The following ABCB5 variants were observed in gnomAD, a reference collection of about 807,000 sequenced individuals.
The protein encoded by ABCB5 is ATP-binding cassette sub-family B member 5.
A neutral mutation model predicts 144.2 loss-of-function variants in ABCB5; 155 were observed. The observed-to-expected ratio is 1.08, with a 90% CI of 0.94 to 1.23. The LOEUF is 1.23. Ranked by LOEUF, ABCB5 falls within the 50% of genes most tolerant of loss-of-function variation. The pLI is 0.00. For synonymous variants in ABCB5, 610 were observed against 528.6 expected, an observed-to-expected ratio of 1.15 and a Z score of -2.11; for missense variants, 1,830 against 1,520.8, an observed-to-expected ratio of 1.20 and a Z score of -3.38.
intron 14 of ABCB5, among the ~76,000 whole-genome samples, chr7:20,661,719 G>C (rs891633014): frequency 6.6e-6 from 1 of 151,540 alleles, no homozygotes; most frequent in Non-Finnish European, 1.5e-5. Flanking sequence ...ATTTTTAGTA[G>C]AGACAGGGTT....
chr7:20,727,170 A>C, intron 22 of ABCB5, 30 bp downstream of exon 22: 1 of 1,568,658 alleles, frequency 6.4e-7, no homozygotes, highest in African/African-American at 1.4e-5. Context: ...GACTTCAAAA[A>C]CTTAATTTTG....
chr7:20,650,005 T>G lies in ABCB5; in HGVS notation c.1207-17T>G. 6.2e-7 allele frequency: 1 copy of G among 1,603,852 alleles called. No homozygotes were observed. The highest frequency in any genetic ancestry group is 8.5e-7 in the Non-Finnish European group (1 of 1,174,692). ...CTTATTGTGGTTTTATGATTTTCCC[T>G]CCATACATTCCAATAGATTCTGAAA... On this transcript the variant is annotated splice_polypyrimidine_tract_variant and intron_variant, in intron 11 of 27. Coordinates refer to ENST00000404938, the MANE Select transcript of ABCB5 (RefSeq NM_001163941.2).
At chr7:20,720,754 G>T (rs1216673634) in intron 20 of ABCB5, among the ~76,000 whole-genome samples, 2 of 151,796 alleles carry the variant, frequency 1.3e-5, no homozygotes, top group African/African-American at 2.4e-5. Context: ...GACCATCCTG[G>T]CTAACACGGT....
chr7:20,737,541 T>G (rs947102870), intron 23 of ABCB5, among the ~76,000 whole-genome samples: 1 of 152,180 alleles, frequency 6.6e-6, no homozygotes, highest in South Asian at 2.1e-4. Context: ...GTGGGAATGT[T>G]AGGACAGGTA....
intron 5 of ABCB5, among the ~76,000 whole-genome samples, chr7:20,635,268 A>G (rs1784130344): frequency 1.3e-5 from 2 of 151,968 alleles, no homozygotes; most frequent in South Asian, 2.1e-4. Context: ...CTATGTGTCT[A>G]TTATTATACC....
At chr7:20,664,806 T>A (rs1457676810) in intron 14 of ABCB5, among the ~76,000 whole-genome samples, 4 of 152,198 alleles carry the variant, frequency 2.6e-5, no homozygotes, top group Admixed American at 6.5e-5. Flanking sequence ...TAAAGTTAAG[T>A]AAAGCTGGGA....
At position 20,707,801 on chromosome 7, in the gene ABCB5, C is replaced by CTTTTTTTTTTT. The variant is rs67014566; in HGVS notation, c.2421+3006_2421+3016dup. ...TACCTGGACAATGGTAACCTCATTT[C>CTTTTTTTTTTT]TTTTTTTTTTTTTTTTTTTTTTGAG... On this transcript the variant is annotated intron_variant, in intron 20 of 27. Coordinates refer to ENST00000404938, the MANE Select transcript of ABCB5 (RefSeq NM_001163941.2). Among the ~76,000 whole-genome samples, 788 of 93,008 alleles carry CTTTTTTTTTTT rather than the reference C, an allele frequency of 8.5e-3. 11 individuals carry two copies. The highest frequency in any genetic ancestry group is 0.011 in the Non-Finnish European group (554 of 49,562). The allele number at this position is 93,008 out of a possible 152,430, so 61.0% of individuals were successfully genotyped here. A position where few individuals can be genotyped will look rare whatever the true frequency, so the allele number is the denominator to read the frequency against.
At chr7:20,631,658 A>T (rs75353400) in intron 4 of ABCB5, among the ~76,000 whole-genome samples, 8,562 of 152,190 alleles carry the variant, frequency 0.056, 341 homozygotes, top group South Asian at 0.14. Flanking sequence ...TAGAACTTTC[A>T]CACATGTTCT....
At chr7:20,664,054 G>A (rs535844328) in intron 14 of ABCB5, among the ~76,000 whole-genome samples, 17 of 151,002 alleles carry the variant, frequency 1.1e-4, no homozygotes, top group African/African-American at 3.4e-4. Flanking sequence ...GAGAGAGAGA[G>A]AGAGATTAGT....
chr7:20,727,349 C>T (rs1011064845), intron 22 of ABCB5, among the ~76,000 whole-genome samples: 1 of 152,192 alleles, frequency 6.6e-6, no homozygotes, highest in Non-Finnish European at 1.5e-5. Context: ...TTTAGGTCCT[C>T]TCACATTACC....
intron 20 of ABCB5, among the ~76,000 whole-genome samples, chr7:20,709,775 C>G (rs1483088863): frequency 2.0e-5 from 3 of 149,686 alleles, no homozygotes; most frequent in Admixed American, 6.7e-5. Flanking sequence ...GTAAACATGA[C>G]AGTCAGCCAG....
At chr7:20,703,437 C>T (rs1029232385) in intron 19 of ABCB5, among the ~76,000 whole-genome samples, 1 of 152,202 alleles carries the variant, frequency 6.6e-6, no homozygotes, top group Admixed American at 6.5e-5. Flanking sequence ...ATGCAGACAC[C>T]TTCCCAACAC....
intron 5 of ABCB5, among the ~76,000 whole-genome samples, chr7:20,641,343 T>C (rs1411449836): frequency 9.8e-6 from 1 of 102,372 alleles, no homozygotes; most frequent in Non-Finnish European, 2.0e-5. Context: ...GATTATTTTA[T>C]TATTGCAAAA....
chr7:20,676,087 G>A (rs1785593596), intron 14 of ABCB5, among the ~76,000 whole-genome samples: 1 of 151,610 alleles, frequency 6.6e-6, no homozygotes, highest in Admixed American at 6.6e-5. Flanking sequence ...AAAAGTTGCA[G>A]TCTCTATGGA....
rs191847839 is a variant in ABCB5, at chr7:20,738,616, A to G, written c.2868-367A>G. Among the ~76,000 whole-genome samples the G allele has an allele frequency of 8.1e-3, 1,229 of 152,332 alleles. 7 individuals carry two copies. Among genetic ancestry groups the G allele is most frequent in the Middle Eastern group, 0.031 (9 of 294 alleles). Reference sequence around the variant, plus strand: ...CTACTGTGTAAATCCAGATCTCACTACTGGAGATTCATTCTTCCTATTGTC... The same window carrying G: ...CTACTGTGTAAATCCAGATCTCACTGCTGGAGATTCATTCTTCCTATTGTC... On this transcript the variant is annotated intron_variant, in intron 23 of 27. Coordinates refer to ENST00000404938, the MANE Select transcript of ABCB5 (RefSeq NM_001163941.2).
chr7:20,657,629 T>G (rs1395282251), intron 13 of ABCB5, among the ~76,000 whole-genome samples: 1 of 152,196 alleles, frequency 6.6e-6, no homozygotes, highest in East Asian at 1.9e-4. Flanking sequence ...GGGTTTTGAC[T>G]GAAAAAAGTG....
intron 14 of ABCB5, chr7:20,659,026 A>G (rs781497150): frequency 6.2e-7 from 1 of 1,601,882 alleles, no homozygotes; most frequent in South Asian, 1.1e-5. Context: ...TTCTACATAC[A>G]CCTGTGGGAT....
At position 20,756,335 on chromosome 7, in the gene ABCB5, C is replaced by T. The variant is rs1238147002; in HGVS notation, c.*711C>T. The T allele has an allele frequency of 6.6e-6, 1 of 152,298 alleles. No homozygotes were observed. The highest frequency in any genetic ancestry group is 1.5e-5 in the Non-Finnish European group (1 of 68,038). 9.4% of individuals were successfully genotyped at this position (152,298 alleles called of 1,614,324 possible). ...AGGCCTACCTGTTTATGAAAACTTA[C>T]TTACTTAAAATAAGAGCTACTTTTG... On this transcript the variant is annotated 3_prime_UTR_variant, in exon 28 of 28. Transcript: ENST00000404938.
intron 15 of ABCB5, among the ~76,000 whole-genome samples, chr7:20,684,686 A>C (rs1785934993): frequency 6.6e-6 from 1 of 152,230 alleles, no homozygotes; most frequent in Non-Finnish European, 1.5e-5. Flanking sequence ...AAAAAAGAGA[A>C]AATGATAGCA....
Sources: allele counts gnomAD v4.1 joint callset (sites outside exome capture counted in the v4.1 genomes callset), GRCh38; gene constraint gnomAD v4.1.1; transcripts MANE v1.5; gene names NCBI Gene and HGNC (gene_info 2026-07-23, HGNC 2026-07-21).